Variants in TNFRSF14 observed in about 807,000 individuals in gnomAD.
The protein encoded by TNFRSF14 is TNF receptor superfamily member 14.
TNFRSF14 carries 18 observed loss-of-function variants against 34.1 expected under a neutral mutation model. That is an observed-to-expected ratio of 0.53 (90% CI 0.36 to 0.78). The LOEUF (loss-of-function observed/expected upper bound fraction) is 0.78, where lower values mean the gene tolerates loss of function less well. TNFRSF14 is among the 30% of genes least tolerant of loss of function. TNFRSF14 has a pLI of 0.00. For synonymous variants in TNFRSF14, 157 were observed against 153.2 expected, an observed-to-expected ratio of 1.02 and a Z score of -0.18; for missense variants, 352 against 379.5, an observed-to-expected ratio of 0.93 and a Z score of 0.60.
rs1644316695 is a variant in TNFRSF14, at chr1:2,561,962, G to A, written c.694+147G>A. 1 of 898,534 alleles carries A rather than the reference G, an allele frequency of 1.1e-6. No homozygotes were observed. Among genetic ancestry groups the A allele is most frequent in the Admixed American group, 2.4e-5 (1 of 41,978 alleles). 55.7% of individuals were successfully genotyped at this position (898,534 alleles called of 1,614,324 possible). The stretch of plus-strand genomic sequence containing the variant: ...AGCCACTGCAGGCTGGGGCAGGTGG[G>A]CTTTCTGCTGTGGCCAGAGCCCAGG... On this transcript the variant is annotated intron_variant, in intron 6 of 7. Transcript: ENST00000355716. This position sits in a 1 kb window ranked among gnomAD's most constrained non-coding sequence, Gnocchi z 6.0.
Position 2,559,873 on chromosome 1 carries a change from T to G in TNFRSF14, c.355T>G (p.Cys119Gly), listed in dbSNP as rs2100852873. Reference sequence around the variant, plus strand: ...CTGCTCCAGGACAGAGAACGCCGTGTGTGGCTGCAGCCCAGGCCACTTCTG... The same window carrying G: ...CTGCTCCAGGACAGAGAACGCCGTGGGTGGCTGCAGCCCAGGCCACTTCTG... The part of the protein sequence containing the change: ...RNCSRTENAV[C>G]GCSPGHFCIV... Residue 119 changes from cysteine (C) to glycine (G), a missense_variant, in exon 4 of 8, where the codon TGT becomes GGT. Physicochemically the swap from Cys to Gly is radical, Grantham distance 159. Coordinates refer to ENST00000355716, the MANE Select transcript of TNFRSF14 (RefSeq NM_003820.4). The G allele has an allele frequency of 1.2e-6, 2 of 1,605,964 alleles. No homozygotes were observed. Among genetic ancestry groups the G allele is most frequent in the Non-Finnish European group, 1.7e-6 (2 of 1,176,950 alleles).
intron 3 of TNFRSF14, chr1:2,559,285 C>T (rs1340641485): frequency 3.7e-6 from 5 of 1,366,828 alleles, no homozygotes; most frequent in Admixed American, 2.2e-5. Context: ...GTGAAAGCAC[C>T]TGTCTACTTG....
At chr1:2,558,584 A>G (rs1644254800) in intron 3 of TNFRSF14, 116 bp downstream of exon 3, 4 of 1,556,732 alleles carry the variant, frequency 2.6e-6, no homozygotes. Context: ...GCCCCAGGCC[A>G]GGTCCCAACC....
chr1:2,558,908 GA>G, intron 3 of TNFRSF14: 1 of 1,360,564 alleles, frequency 7.3e-7, no homozygotes, highest in Non-Finnish European at 9.7e-7. Flanking sequence ...GACCTCAGGG[GA>G]AGAGGTCACC....
At position 2,562,860 on chromosome 1, in the gene TNFRSF14, T is replaced by C; in HGVS notation, c.695-5T>C. 6.2e-7 allele frequency: 1 copy of C among 1,613,984 alleles called. No homozygotes were observed. The highest frequency in any genetic ancestry group is 1.1e-5 in the South Asian group (1 of 91,080). ...CTCCCTGACCTGTGTGTCTGTGTAT[T>C]GCAGGTGATGTAGTCAAGGTGATCG... is the stretch of plus-strand genomic sequence containing the variant. On this transcript the variant is annotated splice_polypyrimidine_tract_variant and splice_region_variant and intron_variant, in intron 6 of 7. Transcript: ENST00000355716.
At chr1:2,556,172 G>A (rs571589072), upstream of TNFRSF14, 7 of 407,018 alleles carry the variant, frequency 1.7e-5, no homozygotes, top group South Asian at 1.4e-4. Flanking sequence ...GCTGAGATGG[G>A]AACAGGAAAC....
chr1:2,558,041 C>T (rs1644244740), intron 2 of TNFRSF14, among the ~76,000 whole-genome samples: 1 of 152,186 alleles, frequency 6.6e-6, no homozygotes, highest in African/African-American at 2.4e-5. Flanking sequence ...TCACACTGCA[C>T]AGGGGGTGGG....
upstream of TNFRSF14, chr1:2,555,539 A>G (rs1460297251): frequency 6.7e-6 from 1 of 149,078 alleles, no homozygotes; most frequent in Admixed American, 6.7e-5. This position sits in a 1 kb window ranked among gnomAD's most constrained non-coding sequence, Gnocchi z 6.3. Context: ...GGCAGGGGGC[A>G]GTCGAGGGGC....
At chr1:2,557,128 G>T in intron 1 of TNFRSF14, 1 of 252,042 alleles carries the variant, frequency 4.0e-6, no homozygotes, top group Non-Finnish European at 7.7e-6. Flanking sequence ...GATAAGATCA[G>T]TGTGCAGCAG....
At chr1:2,558,748 CG>C in intron 3 of TNFRSF14, 1 of 1,200,200 alleles carries the variant, frequency 8.3e-7, no homozygotes, top group Non-Finnish European at 1.1e-6. Context: ...CTCTGGTGCC[CG>C]GGGTGGGTGC....
At chr1:2,557,970 C>A in intron 2 of TNFRSF14, 136 bp downstream of exon 2, 1 of 753,396 alleles carries the variant, frequency 1.3e-6, no homozygotes, top group Non-Finnish European at 2.1e-6. Context: ...GGTGTGCAGA[C>A]AGTGAGGGCA....
At position 2,561,378 on chromosome 1, in the gene TNFRSF14, C is replaced by T; in HGVS notation, c.552-295C>T. The T allele has an allele frequency of 9.8e-6, 10 of 1,019,392 alleles. No individual in the cohort carries two copies. The highest frequency in any genetic ancestry group is 1.4e-5 in the Non-Finnish European group (10 of 706,104). 63.1% of individuals were successfully genotyped at this position (1,019,392 alleles called of 1,614,324 possible). On this transcript the variant is annotated intron_variant, in intron 5 of 7. Coordinates refer to ENST00000355716, the MANE Select transcript of TNFRSF14 (RefSeq NM_003820.4). The surrounding 1 kb of genome is among the most constrained non-coding windows in gnomAD (Gnocchi z 6.0). ...CCACTGGTCTCCCGTGCTCTGGGGT[C>T]TCTGCACTGCTGGCTGCCTCCCGCT...
In TNFRSF14 at chr1:2,561,303, A is replaced by G; in HGVS notation, c.552-370A>G. The G allele has an allele frequency of 1.7e-6, 1 of 595,270 alleles. No individual in the cohort carries two copies. The highest frequency in any genetic ancestry group is 2.8e-5 in the East Asian group (1 of 35,298). 36.9% of individuals were successfully genotyped at this position (595,270 alleles called of 1,614,324 possible). A position where few individuals can be genotyped will look rare whatever the true frequency, so the allele number is the denominator to read the frequency against. ...TCAGTCCTGTCCATCTCCAGCTCTA[A>G]CCATTTTTGTCCCGACACTGGCTCT... On this transcript the variant is annotated intron_variant, in intron 5 of 7. Transcript: ENST00000355716. This position sits in a 1 kb window ranked among gnomAD's most constrained non-coding sequence, Gnocchi z 6.0.
rs1187014423 is a variant in TNFRSF14, at chr1:2,556,710, C to T, written c.46C>T (p.Pro16Ser). The T allele has an allele frequency of 1.2e-6, 2 of 1,607,070 alleles. No homozygotes were observed. Among genetic ancestry groups the T allele is most frequent in the Non-Finnish European group, 1.7e-6 (2 of 1,176,798 alleles). Residue 16 changes from proline (P) to serine (S), a missense_variant, in exon 1 of 8, where the codon CCC becomes TCC. Transcript: ENST00000355716. Reference protein sequence around the residue: ...DWGPPPWRSTPKTDVLRLVLY... With the variant: ...DWGPPPWRSTSKTDVLRLVLY... The stretch of plus-strand genomic sequence containing the variant: ...GGGGCCTCCTCCCTGGAGATCCACC[C>T]CCAAAACCGACGTCTTGAGGCTGGT...
chr1:2,556,320 A>G (rs1433545426), upstream of TNFRSF14: 1 of 595,392 alleles, frequency 1.7e-6, no homozygotes, highest in East Asian at 3.4e-5. Flanking sequence ...CCCGGAGTGG[A>G]CTGGAATGGT....
Position 2,561,011 on chromosome 1 carries a change from G to A in TNFRSF14, c.551+297G>A, listed in dbSNP as rs1644300812. ...GCCTCCAGATCCCCTGTCCCCTGGG[G>A]CTGTGGGTGTCCCTGAATGTCAGGG... is the stretch of plus-strand genomic sequence containing the variant. On this transcript the variant is annotated intron_variant, in intron 5 of 7. Transcript: ENST00000355716. The surrounding 1 kb of genome is among the most constrained non-coding windows in gnomAD (Gnocchi z 6.0). 2.3e-6 allele frequency: 1 copy of A among 439,500 alleles called. No individual in the cohort carries two copies. Among genetic ancestry groups the A allele is most frequent in the Non-Finnish European group, 4.1e-6 (1 of 246,518 alleles). The allele number at this position is 439,500 out of a possible 1,614,324, so 27.2% of individuals were successfully genotyped here. A position where few individuals can be genotyped will look rare whatever the true frequency, so the allele number is the denominator to read the frequency against.
chr1:2,563,511 C>A lies in TNFRSF14; in HGVS notation c.*238C>A. On this transcript the variant is annotated 3_prime_UTR_variant, in exon 8 of 8. Transcript: ENST00000355716. ...CCTCTGTTCTGCTGTGGCCTGAGCTCCCCAGAGTCCTGAGGAGGAGCGCCA... is the reference window on the plus strand; with the variant it reads ...CCTCTGTTCTGCTGTGGCCTGAGCTACCCAGAGTCCTGAGGAGGAGCGCCA... 1.8e-6 allele frequency: 1 copy of A among 564,676 alleles called. No individual in the cohort carries two copies. Among genetic ancestry groups the A allele is most frequent in the Non-Finnish European group, 3.0e-6 (1 of 331,718 alleles). 35.0% of individuals were successfully genotyped at this position (564,676 alleles called of 1,614,324 possible).
chr1:2,562,403 C>T (rs779533496), intron 6 of TNFRSF14: 4 of 240,840 alleles, frequency 1.7e-5, no homozygotes, highest in Non-Finnish European at 3.3e-5. Context: ...CCCCATCCTC[C>T]AGCCAGGCGG....
Position 2,556,525 on chromosome 1 carries a change from C to A in TNFRSF14, c.-140C>A. 1 of 886,578 alleles carries A rather than the reference C, an allele frequency of 1.1e-6. No homozygotes were observed. Among genetic ancestry groups the A allele is most frequent in the Non-Finnish European group, 1.8e-6 (1 of 545,596 alleles). 54.9% of individuals were successfully genotyped at this position (886,578 alleles called of 1,614,324 possible). ...CTCTCCTGCTGCTCGGGTTCTGAGG[C>A]ACAGCTTGTCACACCGAGGCGGATT... On this transcript the variant is annotated 5_prime_UTR_variant, in exon 1 of 8. Transcript: ENST00000355716.
Sources: gnomAD v4.1 joint callset for allele counts (sites outside exome capture counted in the v4.1 genomes callset) on GRCh38, gnomAD v4.1.1 for gene constraint, Gnocchi (gnomAD v3.1) non-coding constraint, MANE v1.5 for transcripts, NCBI Gene and HGNC (gene_info 2026-07-23, HGNC 2026-07-21) for gene names.